Variants in PPARGC1A observed in about 807,000 individuals in gnomAD.
PPARGC1A encodes PPARG coactivator 1 alpha.
In PPARGC1A, 25 loss-of-function variants were observed where a neutral mutation model predicts 88.7. The ratio of observed to expected loss-of-function variants is 0.28; its 90% CI spans 0.21 to 0.39. The LOEUF is 0.39. PPARGC1A is among the 10% of genes least tolerant of loss of function. The pLI is 1.00. For missense variants in PPARGC1A, 880 were observed against 968.7 expected, an observed-to-expected ratio of 0.91 and a Z score of 1.22; for synonymous variants, 363 against 355.6, an observed-to-expected ratio of 1.02 and a Z score of -0.24.
At chr4:24,457,549 T>C in the PPARGC1A span, among the ~76,000 whole-genome samples, 1 of 151,698 alleles carries the variant, frequency 6.6e-6, no homozygotes, top group Non-Finnish European at 1.5e-5. Flanking sequence ...GTTTGTTTGT[T>C]TGTTTGTTTG....
intron 7 of PPARGC1A, among the ~76,000 whole-genome samples, chr4:23,819,779 G>A (rs1164521837): frequency 6.6e-6 from 1 of 152,148 alleles, no homozygotes; most frequent in South Asian, 2.1e-4. Flanking sequence ...ATTGGAATGG[G>A]CTGTAAAAAG....
the PPARGC1A span, among the ~76,000 whole-genome samples, chr4:24,218,027 A>G: frequency 6.6e-6 from 1 of 152,186 alleles, no homozygotes; most frequent in African/African-American, 2.4e-5. Flanking sequence ...AGGTACTTGT[A>G]ATATTCTAAG....
At chr4:23,890,972 C>T (rs555339397), upstream of PPARGC1A, among the ~76,000 whole-genome samples, 3 of 152,182 alleles carry the variant, frequency 2.0e-5, no homozygotes, top group Admixed American at 6.5e-5. Flanking sequence ...GAATTCCAAC[C>T]CTAGTGCCCT....
chr4:24,039,042 T>A, the PPARGC1A span, among the ~76,000 whole-genome samples: 1 of 152,148 alleles, frequency 6.6e-6, no homozygotes, highest in East Asian at 1.9e-4. Context: ...CCATTAAATA[T>A]CATCGTAAGT....
At chr4:24,229,152 C>CTTTTTTGTTTTTTTTTTTTT in the PPARGC1A span, among the ~76,000 whole-genome samples, 1 of 60,894 alleles carries the variant, frequency 1.6e-5, no homozygotes, top group Non-Finnish European at 3.1e-5. Context: ...GTATCTGGAC[C>CTTTTTTGTTTTTTTTTTTTT]TTTTTTTTTT....
chr4:24,250,777 C>T, the PPARGC1A span, among the ~76,000 whole-genome samples: 1 of 152,356 alleles, frequency 6.6e-6, no homozygotes, highest in Non-Finnish European at 1.5e-5. Context: ...AGAGAACTCA[C>T]TCATCAAGCT....
At chr4:24,018,807 C>T in the PPARGC1A span, among the ~76,000 whole-genome samples, 1 of 152,094 alleles carries the variant, frequency 6.6e-6, no homozygotes, top group Non-Finnish European at 1.5e-5. Flanking sequence ...CCATTTCCCC[C>T]ACCTGGGGGA....
the PPARGC1A span, among the ~76,000 whole-genome samples, chr4:24,039,101 T>C: frequency 6.6e-6 from 1 of 152,202 alleles, no homozygotes; most frequent in Non-Finnish European, 1.5e-5. Flanking sequence ...AAATACATTC[T>C]GCCATCCCAA....
At chr4:24,408,356 GAA>G in the PPARGC1A span, among the ~76,000 whole-genome samples, 2 of 132,202 alleles carry the variant, frequency 1.5e-5, no homozygotes, top group Admixed American at 7.4e-5. Flanking sequence ...ATACTGCTTT[GAA>G]AAAAAAAAAA....
chr4:24,186,689 A>G, the PPARGC1A span, among the ~76,000 whole-genome samples: 3 of 152,174 alleles, frequency 2.0e-5, no homozygotes, highest in South Asian at 2.1e-4. Context: ...TTGAGTACCC[A>G]TTGGAGCCAC....
upstream of PPARGC1A, chr4:23,890,093 T>A: frequency 2.9e-6 from 4 of 1,396,292 alleles, no homozygotes; most frequent in Non-Finnish European, 3.7e-6. Flanking sequence ...CCCAGTCACA[T>A]GACAAAGCTA....
At chr4:24,063,667 T>A in the PPARGC1A span, among the ~76,000 whole-genome samples, 1 of 152,250 alleles carries the variant, frequency 6.6e-6, no homozygotes, top group Non-Finnish European at 1.5e-5. Flanking sequence ...AAGCATCAAA[T>A]TCAATGAGAA....
chr4:24,194,794 C>A, the PPARGC1A span, among the ~76,000 whole-genome samples: 1 of 152,108 alleles, frequency 6.6e-6, no homozygotes, highest in Admixed American at 6.6e-5. Flanking sequence ...AGGAACAGAG[C>A]AAGACAAGGG....
At chr4:24,149,417 A>C in the PPARGC1A span, among the ~76,000 whole-genome samples, 32 of 152,306 alleles carry the variant, frequency 2.1e-4, no homozygotes, top group East Asian at 4.2e-3. Flanking sequence ...TAATTAAAAA[A>C]AAAAATAAGT....
intron 7 of PPARGC1A, among the ~76,000 whole-genome samples, chr4:23,818,352 G>A (rs1393561389): frequency 6.6e-6 from 1 of 152,140 alleles, no homozygotes; most frequent in East Asian, 1.9e-4. Context: ...GTGCAGCTCG[G>A]TGCAGAATGT....
At chr4:24,324,525 G>A in the PPARGC1A span, among the ~76,000 whole-genome samples, 3 of 151,896 alleles carry the variant, frequency 2.0e-5, no homozygotes, top group Middle Eastern at 3.4e-3. Flanking sequence ...CCCTTAGCCT[G>A]TGTTCTCAAA....
the PPARGC1A span, among the ~76,000 whole-genome samples, chr4:24,472,169 G>C: frequency 6.6e-6 from 1 of 152,154 alleles, no homozygotes; most frequent in Non-Finnish European, 1.5e-5. The surrounding 1 kb of genome is among the most constrained non-coding windows in gnomAD (Gnocchi z 4.5). Flanking sequence ...GGAGGAACGC[G>C]ACAGAACCTG....
intron 2 of PPARGC1A, among the ~76,000 whole-genome samples, chr4:23,878,473 T>C (rs945681228): frequency 2.6e-5 from 4 of 152,044 alleles, no homozygotes; most frequent in Non-Finnish European, 5.9e-5. Context: ...TGTGAGTTGC[T>C]ATTTATTAGC....
chr4:24,205,261 C>G, the PPARGC1A span, among the ~76,000 whole-genome samples: 1 of 152,188 alleles, frequency 6.6e-6, no homozygotes, highest in African/African-American at 2.4e-5. Flanking sequence ...AAAAGCATCA[C>G]CCAGTCCCTT....
Sources: allele counts gnomAD v4.1 joint callset (sites outside exome capture counted in the v4.1 genomes callset), GRCh38; gene constraint gnomAD v4.1.1; non-coding constraint Gnocchi (gnomAD v3.1); transcripts MANE v1.5; gene names NCBI Gene and HGNC (gene_info 2026-07-23, HGNC 2026-07-21).